Variants in EVPL observed in about 807,000 individuals in gnomAD.
EVPL encodes envoplakin, also known as 210 kDa cornified envelope precursor protein.
Under a neutral mutation model 129.7 loss-of-function variants are expected in EVPL, and 94 were observed. The observed-to-expected ratio is 0.72, with a 90% CI of 0.61 to 0.86. The LOEUF is 0.86. Among genes scored for constraint, EVPL ranks in the 40% least tolerant of loss-of-function variants. The pLI, the probability that EVPL is intolerant of heterozygous loss-of-function variation, is 0.00. For missense variants in EVPL, 2,625 were observed against 2,721.1 expected, an observed-to-expected ratio of 0.96 and a Z score of 0.79; for synonymous variants, 1,172 against 1,191.1, an observed-to-expected ratio of 0.98 and a Z score of 0.33.
chr17:76,011,234 C>G (rs773446862), intron 21 of EVPL, among the ~76,000 whole-genome samples: 1 of 151,856 alleles, frequency 6.6e-6, no homozygotes, highest in Non-Finnish European at 1.5e-5. Context: ...GTGTGTAGGC[C>G]GAAGGTGGAG....
At chr17:76,012,737 CTTTTCTTT>C (rs1817438697) in intron 18 of EVPL, among the ~76,000 whole-genome samples, 1 of 132,122 alleles carries the variant, frequency 7.6e-6, no homozygotes, top group African/African-American at 2.9e-5. Context: ...ATATTTCTTT[CTTTTCTTT>C]TTTTTTTTTT....
At position 76,022,404 on chromosome 17, in the gene EVPL, C is replaced by T; in HGVS notation, c.606+9G>A. ...GGCCCCGGATGTGACATCCTCCAGG[C>T]TCACCTACCGGCCCCACGAGGCTCC... On this transcript the variant is annotated intron_variant, in intron 5 of 21. Transcript: ENST00000301607. The surrounding 1 kb of genome is among the most constrained non-coding windows in gnomAD (Gnocchi z 5.6). The T allele has an allele frequency of 6.2e-7, 1 of 1,613,560 alleles. No individual in the cohort carries two copies. Among genetic ancestry groups the T allele is most frequent in the African/African-American group, 1.3e-5 (1 of 75,062 alleles).
chr17:76,013,580 G>A lies in EVPL; in HGVS notation c.2373+846C>T, dbSNP rs2066394930. 6.6e-6 allele frequency among the ~76,000 whole-genome samples: 1 copy of A among 152,060 alleles called. No homozygotes were observed. On this transcript the variant is annotated intron_variant, in intron 18 of 21. Coordinates refer to ENST00000301607, the MANE Select transcript of EVPL (RefSeq NM_001988.4). This position sits in a 1 kb window ranked among gnomAD's most constrained non-coding sequence, Gnocchi z 4.3. ...CCCAACAGAACCCTGGGCATCACCG[G>A]GCCCCGTCCATCTCACTCACTGTCC...
intron 14 of EVPL, among the ~76,000 whole-genome samples, chr17:76,016,075 G>A (rs1322831123): frequency 6.6e-6 from 1 of 152,174 alleles, no homozygotes; most frequent in African/African-American, 2.4e-5. Flanking sequence ...ACCCCAGGAG[G>A]TGGGGGTTGC....
chr17:76,008,709 C>T lies in EVPL; in HGVS notation c.4496G>A (p.Cys1499Tyr), dbSNP rs1781369378. 1 of 1,613,562 alleles carries T rather than the reference C, an allele frequency of 6.2e-7. No individual in the cohort carries two copies. The highest frequency in any genetic ancestry group is 1.7e-5 in the Admixed American group (1 of 59,998). Residue 1499 changes from cysteine to tyrosine, a missense_variant, in exon 22 of 22, where the codon TGC becomes TAC. Around this residue, in one of 4 missense-constraint regions of EVPL, gnomAD observed 1,453 missense variants for 1,511.8 expected, o/e 0.96. Transcript: ENST00000301607. The surrounding 1 kb of genome is among the most constrained non-coding windows in gnomAD (Gnocchi z 7.4). ...GTCAATCTGGACCTGCAGGTTCTTG[C>T]ACTCCCGATTCAGCTCGGTTACCTG... ...KTQVTELNRE[C>Y]KNLQVQIDVL...
rs192983471 is a variant in EVPL at position 76,007,477 on chromosome 17, C to T, written c.5728G>A (p.Val1910Ile). Residue 1910 changes from valine (V) to isoleucine (I), a missense_variant, in exon 22 of 22, where the codon GTC becomes ATC. Transcript: ENST00000301607. This position sits in a 1 kb window ranked among gnomAD's most constrained non-coding sequence, Gnocchi z 8.8. ...CCCACCGAGAGCCTCTTCTTGGTGACGGGGTCCTCGATGCCGGTGAAGGCC... is the reference window on the plus strand; with the variant it reads ...CCCACCGAGAGCCTCTTCTTGGTGATGGGGTCCTCGATGCCGGTGAAGGCC... ...QKAFTGIEDP[V>I]TKKRLSVGEA... The T allele has an allele frequency of 2.4e-5, 39 of 1,611,388 alleles. No individual in the cohort carries two copies. The highest frequency in any genetic ancestry group is 6.7e-5 in the East Asian group (3 of 44,828).
rs536476114 is a variant in EVPL, at chr17:76,008,963, G to A, written c.4242C>T (p.Ala1414=). The A allele has an allele frequency of 1.2e-5, 20 of 1,611,516 alleles. No individual in the cohort carries two copies. The highest frequency in any genetic ancestry group is 9.3e-5 in the African/African-American group (7 of 75,006). ...GCAGGCCCTCCTGCTCCTCCACGCCGGCCCGCAGCTGCTGCACCTCAAGCT... is the reference window on the plus strand; with the variant it reads ...GCAGGCCCTCCTGCTCCTCCACGCCAGCCCGCAGCTGCTGCACCTCAAGCT... ...QLELEVQQLR[A]GVEEQEGLLS... The change falls in exon 22 of 22, where the codon GCC becomes GCT. Residue 1414 remains alanine (A), a synonymous_variant. Transcript: ENST00000301607. The surrounding 1 kb of genome is among the most constrained non-coding windows in gnomAD (Gnocchi z 7.4).
Position 76,006,949 on chromosome 17 carries a change from G to A in EVPL, c.*154C>T. 1.2e-6 allele frequency: 1 copy of A among 868,454 alleles called. No individual in the cohort carries two copies. The highest frequency in any genetic ancestry group is 1.5e-6 in the Non-Finnish European group (1 of 648,722). The allele number at this position is 868,454 out of a possible 1,614,324, so 53.8% of individuals were successfully genotyped here. ...GGGATGGATCAGGCACCAAGGTTAG[G>A]GGAGGGAGCCCATCACCATGTTAGT... On this transcript the variant is annotated 3_prime_UTR_variant, in exon 22 of 22. Transcript: ENST00000301607.
intron 9 of EVPL, 131 bp downstream of exon 9, chr17:76,021,337 T>C: frequency 1.2e-6 from 1 of 820,412 alleles, no homozygotes; most frequent in Non-Finnish European, 1.9e-6. Context: ...ATTACAGGTG[T>C]GAGCCACCGC....
chr17:76,007,376 C>A lies in EVPL; in HGVS notation c.5829G>T (p.Gly1943=). 2 of 1,596,464 alleles carry A rather than the reference C, an allele frequency of 1.3e-6. No individual in the cohort carries two copies. The highest frequency in any genetic ancestry group is 1.7e-6 in the Non-Finnish European group (2 of 1,168,164). ...GGCCTGTCCTCTTGGGGTCGATGAGCCCCCCGGTCAGGTGCTGCACCTGCA... is the reference window on the plus strand; with the variant it reads ...GGCCTGTCCTCTTGGGGTCGATGAGACCCCCGGTCAGGTGCTGCACCTGCA... ...PHLQVQHLTG[G]LIDPKRTGRI... The change falls in exon 22 of 22, where the codon GGG becomes GGT. Residue 1943 remains glycine, a synonymous_variant. Transcript: ENST00000301607. The surrounding 1 kb of genome is among the most constrained non-coding windows in gnomAD (Gnocchi z 8.8).
In EVPL at chr17:76,007,750, CGA is replaced by C; in HGVS notation, c.5453_5454del (p.Leu1818ArgfsTer4). ...ATAGGGAAGCTGTCATCACCGAGCCCGAGAGAGAAGCTGGGAGAGAAGAAACT... is the reference window on the plus strand; with the variant it reads ...ATAGGGAAGCTGTCATCACCGAGCCCGAGAGAAGCTGGGAGAGAAGAAACT... Reference protein sequence around the residue: ...STSFFSPSFSLGLGDDSFPIA... With the variant: ...STSFFSPSFSXGLGDDSFPIA... On this transcript the variant is annotated frameshift_variant, in exon 22 of 22. Transcript: ENST00000301607. LOFTEE classifies it low-confidence loss of function (END_TRUNC). The surrounding 1 kb of genome is among the most constrained non-coding windows in gnomAD (Gnocchi z 8.8). 6.2e-7 allele frequency: 1 copy of C among 1,612,848 alleles called. No individual in the cohort carries two copies. The highest frequency in any genetic ancestry group is 8.5e-7 in the Non-Finnish European group (1 of 1,179,116).
intron 8 of EVPL, 33 bp from the exon 9 acceptor site, chr17:76,021,596 G>GCCCCCCCCCCCTCCC: frequency 2.2e-6 from 3 of 1,378,756 alleles, no homozygotes; most frequent in Non-Finnish European, 2.9e-6. Flanking sequence ...CTCGGACCAC[G>GCCCCCCCCCCCTCCC]CCCCCCCCAC....
At position 76,007,331 on chromosome 17, in the gene EVPL, G is replaced by A; in HGVS notation, c.5874C>T (p.Ala1958=). 1.3e-6 allele frequency: 2 copies of A among 1,565,918 alleles called. No homozygotes were observed. Among genetic ancestry groups the A allele is most frequent in the East Asian group, 2.3e-5 (1 of 44,246 alleles). Residue 1958 remains alanine (A), a synonymous_variant, in exon 22 of 22, where the codon GCC becomes GCT. Transcript: ENST00000301607. The surrounding 1 kb of genome is among the most constrained non-coding windows in gnomAD (Gnocchi z 8.8). ...CTTCACTGATCATCCCGGAGAGGAG[G>A]GCCTGCTGGATGGGGATGCGGCCTG... ...KRTGRIPIQQ[A]LLSGMISEEL...
rs779717113 is a variant in EVPL, at chr17:76,009,364, C to T, written c.3841G>A (p.Val1281Ile). The change falls in exon 22 of 22, where the codon GTC (valine) becomes ATC (isoleucine). Residue 1281 changes from valine (V) to isoleucine (I), a missense_variant. By Grantham distance (29) the Val-to-Ile change is conservative (BLOSUM62 3). Around this residue, in one of 4 missense-constraint regions of EVPL, gnomAD observed 1,453 missense variants for 1,511.8 expected, o/e 0.96. Transcript: ENST00000301607. This position sits in a 1 kb window ranked among gnomAD's most constrained non-coding sequence, Gnocchi z 5.9. ...TCCTGGGAGCGCCCGTGGCTGTTGA[C>T]GAGCTCGTTGAGCTGAGCCTTCAGG... ...DRLKAQLNEL[V>I]NSHGRSQEQL... The T allele has an allele frequency of 5.9e-5, 95 of 1,613,504 alleles. No homozygotes were observed. The highest frequency in any genetic ancestry group is 3.8e-4 in the East Asian group (17 of 44,898).
intron 1 of EVPL, 119 bp downstream of exon 1, chr17:76,026,982 G>T: frequency 1.7e-6 from 1 of 600,152 alleles, no homozygotes; most frequent in Non-Finnish European, 2.8e-6. Flanking sequence ...GACACCAAAT[G>T]CCAGCACGGG....
chr17:76,018,528 GGCC>G lies in EVPL; in HGVS notation c.1354_1356del (p.Gly452del). On this transcript the variant is annotated inframe_deletion, in exon 12 of 22. Transcript: ENST00000301607. Reference sequence around the variant, plus strand: ...GGAGCACGCTTGGTCTCCCCGCCAGGGCCCTGCACGACCCAGGCGTGCGGGTCA... The same window carrying G: ...GGAGCACGCTTGGTCTCCCCGCCAGGCTGCACGACCCAGGCGTGCGGGTCA... 1 of 1,612,810 alleles carries G rather than the reference GGCC, an allele frequency of 6.2e-7. No individual in the cohort carries two copies. The highest frequency in any genetic ancestry group is 8.5e-7 in the Non-Finnish European group (1 of 1,179,896).
chr17:76,021,345 C>A lies in EVPL; in HGVS notation c.1011+123G>T, dbSNP rs536945232. On this transcript the variant is annotated intron_variant, in intron 9 of 21. Transcript: ENST00000301607. Reference sequence around the variant, plus strand: ...TGCTGGGATTACAGGTGTGAGCCACCGCGCCCTGCCAGCTCTGTCTAGTTG... The same window carrying A: ...TGCTGGGATTACAGGTGTGAGCCACAGCGCCCTGCCAGCTCTGTCTAGTTG... 60 of 906,850 alleles carry A rather than the reference C, an allele frequency of 6.6e-5. No individual in the cohort carries two copies. In the African/African-American group the frequency reaches 9.1e-4, roughly 14 times the overall value. The allele number at this position is 906,850 out of a possible 1,614,324, so 56.2% of individuals were successfully genotyped here.
chr17:76,011,878 T>C lies in EVPL; in HGVS notation c.2462A>G (p.Tyr821Cys), dbSNP rs375231078. ...GCGGTAGGTGTCTGCCTGGAGCTCA[T>C]AGTCCTGAGCAGGGAGGAAAGGACA... ...SQALQAALQD[Y>C]ELQADTYRCS... The change falls in exon 20 of 22, where the codon TAT becomes TGT. Residue 821 changes from tyrosine (Y) to cysteine (C), a missense_variant. Tyr to Cys is a radical substitution (Grantham distance 194). Transcript: ENST00000301607. 94 of 1,613,262 alleles carry C rather than the reference T, an allele frequency of 5.8e-5. No individual in the cohort carries two copies. The African/African-American group carries it at 1.2e-3, about 21-fold the overall frequency.
At position 76,019,607 on chromosome 17, in the gene EVPL, T is replaced by C; in HGVS notation, c.1058A>G (p.Asn353Ser). 6.2e-7 allele frequency: 1 copy of C among 1,608,154 alleles called. No individual in the cohort carries two copies. Among genetic ancestry groups the C allele is most frequent in the Admixed American group, 1.7e-5 (1 of 59,138 alleles). The part of the protein sequence containing the change: ...DSVSQTLAKL[N>S]SNLDAKYSPA... ...GCTGTACTTGGCATCCAAGTTGGAG[T>C]TGAGCTTCGCCAGGGTCTGGCTGAC... Residue 353 changes from asparagine to serine, a missense_variant, in exon 10 of 22, where the codon AAC becomes AGC. By Grantham distance (46) the Asn-to-Ser change is conservative. This residue lies in a region of EVPL where 1,024 missense variants were observed against 997.5 expected (regional missense o/e 1.03). Coordinates refer to ENST00000301607, the MANE Select transcript of EVPL (RefSeq NM_001988.4).
Sources: allele counts gnomAD v4.1 joint callset (sites outside exome capture counted in the v4.1 genomes callset), GRCh38; gene constraint gnomAD v4.1.1; regional missense constraint gnomAD v4.1.1; non-coding constraint Gnocchi (gnomAD v3.1); transcripts MANE v1.5; gene names NCBI Gene and HGNC (gene_info 2026-07-23, HGNC 2026-07-21).